Variants in FHIT observed in about 807,000 individuals in gnomAD.
FHIT encodes the protein fragile histidine triad diadenosine triphosphatase.
Under a neutral mutation model 17.9 loss-of-function variants are expected in FHIT, and 19 were observed. The observed-to-expected ratio is 1.06, with a 90% CI of 0.74 to 1.56. FHIT has a LOEUF of 1.56. FHIT is among the 40% of genes most tolerant of loss of function. The pLI is 0.00. For missense variants in FHIT, 248 were observed against 189.2 expected, an observed-to-expected ratio of 1.31 and a Z score of -1.82; for synonymous variants, 81 against 69.7, an observed-to-expected ratio of 1.16 and a Z score of -0.81.
chr3:60,293,108 A>G lies in FHIT; in HGVS notation c.103+243752T>C, dbSNP rs578160133. On this transcript the variant is annotated intron_variant, in intron 5 of 9. Coordinates refer to ENST00000492590, the MANE Select transcript of FHIT (RefSeq NM_002012.4). ...CTTTGAAAACATACGTAATCTAGAG[A>G]TGATGTTCAAATATAGTATAATATA... 9.2e-5 allele frequency among the ~76,000 whole-genome samples: 14 copies of G among 152,314 alleles called. No individual in the cohort carries two copies. The South Asian group carries it at 2.9e-3, about 32-fold the overall frequency.
chr3:59,985,035 T>C (rs370977963), intron 7 of FHIT, among the ~76,000 whole-genome samples: 2 of 152,170 alleles, frequency 1.3e-5, no homozygotes, highest in South Asian at 2.1e-4. Flanking sequence ...GTTCCCATCG[T>C]AGGACAGTGA....
chr3:60,349,810 C>G (rs1443959726), intron 5 of FHIT, among the ~76,000 whole-genome samples: 1 of 152,146 alleles, frequency 6.6e-6, no homozygotes, highest in African/African-American at 2.4e-5. Flanking sequence ...CATAAGGTAA[C>G]TTACCGTAAA....
intron 5 of FHIT, among the ~76,000 whole-genome samples, chr3:60,172,133 C>A (rs905787340): frequency 6.6e-6 from 1 of 152,136 alleles, no homozygotes; most frequent in Non-Finnish European, 1.5e-5. Context: ...AGGCGCATGG[C>A]TCTTCAAATA....
intron 5 of FHIT, among the ~76,000 whole-genome samples, chr3:60,349,872 T>C (rs914398638): frequency 6.6e-6 from 1 of 152,212 alleles, no homozygotes; most frequent in East Asian, 1.9e-4. Flanking sequence ...CCTTCCAGAC[T>C]GTCAACTCCA....
rs77964118 is a variant in FHIT, at chr3:61,111,800, T to A, written c.-163-69701A>T. 1.8e-4 allele frequency among the ~76,000 whole-genome samples: 28 copies of A among 152,350 alleles called. No individual in the cohort carries two copies. The East Asian group carries it at 5.0e-3, about 27-fold the overall frequency. ...TATCCTAAGCAGATACATATGTACGTATGTGCACGTATATAATTTGAGTCT... is the reference window on the plus strand; with the variant it reads ...TATCCTAAGCAGATACATATGTACGAATGTGCACGTATATAATTTGAGTCT... On this transcript the variant is annotated intron_variant, in intron 2 of 9. Coordinates refer to ENST00000492590, the MANE Select transcript of FHIT (RefSeq NM_002012.4).
At chr3:60,239,335 T>C (rs917208966) in intron 5 of FHIT, among the ~76,000 whole-genome samples, 9 of 151,918 alleles carry the variant, frequency 5.9e-5, no homozygotes, top group African/African-American at 2.2e-4. Flanking sequence ...AAGGCTAAGG[T>C]GGGAGGATTG....
At chr3:59,954,231 C>T (rs2366963) in intron 7 of FHIT, among the ~76,000 whole-genome samples, 139,342 of 140,660 alleles carry the variant, frequency 0.99, 69,033 homozygotes, top group Middle Eastern at 1. Context: ...GTTTTTTTTT[C>T]TTTTTTTTCC....
intron 7 of FHIT, among the ~76,000 whole-genome samples, chr3:59,979,319 G>A (rs1708548408): frequency 6.6e-6 from 1 of 152,066 alleles, no homozygotes; most frequent in South Asian, 2.1e-4. Context: ...ACTCCTCAAA[G>A]CCAGAGATAT....
chr3:61,034,182 A>G (rs1048222700), intron 3 of FHIT, among the ~76,000 whole-genome samples: 3 of 152,176 alleles, frequency 2.0e-5, no homozygotes, highest in Non-Finnish European at 4.4e-5. Context: ...GCATAGGGGT[A>G]AAATCATTAC....
intron 5 of FHIT, among the ~76,000 whole-genome samples, chr3:60,199,950 T>C (rs1414381357): frequency 6.6e-6 from 1 of 152,158 alleles, no homozygotes; most frequent in Admixed American, 6.6e-5. Context: ...TGACAGACAC[T>C]AATATTCTTT....
At chr3:59,802,626 G>A (rs111497512) in intron 8 of FHIT, among the ~76,000 whole-genome samples, 1 of 151,548 alleles carries the variant, frequency 6.6e-6, no homozygotes, top group Non-Finnish European at 1.5e-5. Context: ...CACCCCATCT[G>A]CCTTCCTTGA....
intron 5 of FHIT, among the ~76,000 whole-genome samples, chr3:60,090,172 G>C (rs183191484): frequency 6.6e-6 from 1 of 152,002 alleles, no homozygotes; most frequent in Non-Finnish European, 1.5e-5. Flanking sequence ...ACATGACAAT[G>C]CTACAATTAA....
chr3:60,900,428 GC>G (rs1299544850), intron 3 of FHIT, among the ~76,000 whole-genome samples: 1 of 137,566 alleles, frequency 7.3e-6, no homozygotes, highest in Admixed American at 7.4e-5. Context: ...ATAGTGAGAT[GC>G]CCATTTCAAA....
chr3:60,949,697 C>A (rs997088650), intron 3 of FHIT, among the ~76,000 whole-genome samples: 1 of 152,060 alleles, frequency 6.6e-6, no homozygotes, highest in South Asian at 2.1e-4. Flanking sequence ...TTCCTCTTCC[C>A]GGTCTCTGGT....
chr3:60,451,408 C>A (rs35704552), intron 5 of FHIT, among the ~76,000 whole-genome samples: 1 of 152,084 alleles, frequency 6.6e-6, no homozygotes, highest in Admixed American at 6.6e-5. Flanking sequence ...TTCAATAACC[C>A]GAATAAACTC....
intron 7 of FHIT, among the ~76,000 whole-genome samples, chr3:59,932,469 G>A (rs1261934422): frequency 6.6e-6 from 1 of 152,128 alleles, no homozygotes; most frequent in Non-Finnish European, 1.5e-5. Context: ...GAGAAAGAGG[G>A]GAATGGCATA....
chr3:60,139,593 A>C (rs1420924600), intron 5 of FHIT, among the ~76,000 whole-genome samples: 1 of 152,106 alleles, frequency 6.6e-6, no homozygotes, highest in Non-Finnish European at 1.5e-5. Flanking sequence ...GTAACCATTC[A>C]TGTTCTTGCC....
chr3:60,154,926 T>C (rs908105214), intron 5 of FHIT, among the ~76,000 whole-genome samples: 1 of 152,166 alleles, frequency 6.6e-6, no homozygotes, highest in South Asian at 2.1e-4. Flanking sequence ...CCAGGCACGA[T>C]GGCTCACATA....
chr3:60,469,635 T>C (rs1233297044), intron 5 of FHIT, among the ~76,000 whole-genome samples: 1 of 152,172 alleles, frequency 6.6e-6, no homozygotes, highest in Non-Finnish European at 1.5e-5. Context: ...TATCTCTCTC[T>C]CTCTCCAGGA....
Sources: gnomAD v4.1 joint callset for allele counts (sites outside exome capture counted in the v4.1 genomes callset) on GRCh38, gnomAD v4.1.1 for gene constraint, MANE v1.5 for transcripts, NCBI Gene and HGNC (gene_info 2026-07-23, HGNC 2026-07-21) for gene names.